TOX2: variants seen among roughly 807,000 people sequenced by gnomAD.
TOX2 encodes TOX high mobility group box family member 2, also known as granulosa cell HMG box 1.
TOX2 carries 15 observed loss-of-function variants against 47.4 expected under a neutral mutation model. The ratio of observed to expected loss-of-function variants is 0.32; its 90% CI spans 0.21 to 0.49. The LOEUF is 0.49. Among genes scored for constraint, TOX2 ranks in the 20% least tolerant of loss-of-function variants. The pLI is 0.99. For synonymous variants in TOX2, 290 were observed against 296.6 expected (o/e 0.98, Z 0.23); for missense variants, 622 against 673.1 (o/e 0.92, Z 0.84).
Position 44,064,800 on chromosome 20 carries a change from A to G in TOX2, c.903A>G (p.Ala301=), listed in dbSNP as rs1600805159. The G allele has an allele frequency of 3.1e-6, 5 of 1,614,210 alleles. No homozygotes were observed. The highest frequency in any genetic ancestry group is 2.5e-6 in the Non-Finnish European group (3 of 1,180,026). Residue 301 remains alanine (A), a synonymous_variant, in exon 6 of 9, where the codon GCA becomes GCG. Transcript: ENST00000341197. ...QKQAYKRKTE[A]AKKEYLKALA... ...AGGCCTACAAGAGGAAGACAGAAGCAGCAAAGAAGGAATATCTGAAGGCCC... is the reference window on the plus strand; with the variant it reads ...AGGCCTACAAGAGGAAGACAGAAGCGGCAAAGAAGGAATATCTGAAGGCCC...
At chr20:43,958,458 T>C (rs1220831841) in intron 1 of TOX2, among the ~76,000 whole-genome samples, 1 of 152,164 alleles carries the variant, frequency 6.6e-6, no homozygotes, top group East Asian at 1.9e-4. Flanking sequence ...CTTTGCTCAC[T>C]CTGGACCCAC....
chr20:43,992,995 T>C (rs1411544646), intron 2 of TOX2, among the ~76,000 whole-genome samples: 1 of 152,020 alleles, frequency 6.6e-6, no homozygotes, highest in African/African-American at 2.4e-5. Context: ...TGTTTTCCCC[T>C]CAGTATTCCT....
intron 1 of TOX2, among the ~76,000 whole-genome samples, chr20:43,957,571 T>G (rs73908124): frequency 0.043 from 5,197 of 121,006 alleles, 303 homozygotes; most frequent in African/African-American, 0.15. Context: ...TGCCCTCTTT[T>G]TTTTTTTTTT....
chr20:44,029,283 T>G (rs941579698), intron 3 of TOX2, among the ~76,000 whole-genome samples: 1 of 152,250 alleles, frequency 6.6e-6, no homozygotes, highest in African/African-American at 2.4e-5. Flanking sequence ...CGGATATTGC[T>G]GTGCTGACCT....
At chr20:43,971,789 A>G (rs1195090389) in intron 1 of TOX2, among the ~76,000 whole-genome samples, 6 of 152,192 alleles carry the variant, frequency 3.9e-5, no homozygotes, top group Non-Finnish European at 7.3e-5. Flanking sequence ...GATATAAAAC[A>G]TTTTCTAAGA....
Position 44,066,800 on chromosome 20 carries a change from G to C in TOX2, c.1427G>C (p.Ser476Thr). 1 of 1,614,198 alleles carries C rather than the reference G, an allele frequency of 6.2e-7. No individual in the cohort carries two copies. Among genetic ancestry groups the C allele is most frequent in the Non-Finnish European group, 8.5e-7 (1 of 1,180,036 alleles). ...TCACCTGGCCCATCCAACCCCACCAGCAGCGGGGACTGGGACAGCAGCTAC... is the reference window on the plus strand; with the variant it reads ...TCACCTGGCCCATCCAACCCCACCACCAGCGGGGACTGGGACAGCAGCTAC... ...SCSPGPSNPT[S>T]SGDWDSSYPS... The change falls in exon 8 of 9, where the codon AGC becomes ACC. Residue 476 changes from serine to threonine, a missense_variant. Physicochemically the swap from Ser to Thr is moderately conservative, Grantham distance 58. Coordinates refer to ENST00000341197, the MANE Select transcript of TOX2 (RefSeq NM_001098797.2).
intron 1 of TOX2, among the ~76,000 whole-genome samples, chr20:43,951,399 A>AC (rs1307740551): frequency 1.3e-5 from 2 of 152,028 alleles, no homozygotes; most frequent in African/African-American, 4.8e-5. Context: ...ACATGGTGAA[A>AC]CCCCGTATCT....
intron 2 of TOX2, among the ~76,000 whole-genome samples, chr20:44,004,106 T>C (rs1289277761): frequency 6.6e-6 from 1 of 152,146 alleles, no homozygotes. Flanking sequence ...TTGAGAGATG[T>C]CAGGGGGTGA....
chr20:44,021,546 T>G (rs1302094316), intron 3 of TOX2, among the ~76,000 whole-genome samples: 13 of 152,190 alleles, frequency 8.5e-5, no homozygotes, highest in African/African-American at 3.1e-4. Context: ...ACTTGACACC[T>G]TCTTACCTTC....
intron 3 of TOX2, among the ~76,000 whole-genome samples, chr20:44,013,868 G>A (rs1016480474): frequency 2.0e-5 from 3 of 152,028 alleles, no homozygotes; most frequent in African/African-American, 7.3e-5. Context: ...ATCGTGGCTC[G>A]CCTGTCATAT....
intron 1 of TOX2, among the ~76,000 whole-genome samples, chr20:43,961,472 C>T (rs1273155738): frequency 6.6e-6 from 1 of 152,120 alleles, no homozygotes. Context: ...GGGAGAGCCA[C>T]GCAGAGGCCT....
At position 44,065,856 on chromosome 20, in the gene TOX2, T is replaced by C. The variant is rs1367141914; in HGVS notation, c.1105T>C (p.Ser369Pro). Residue 369 changes from serine to proline, a missense_variant, in exon 7 of 9, where the codon TCC becomes CCC. Ser to Pro is a moderately conservative substitution (Grantham distance 74). Transcript: ENST00000341197. ...SDLQAFRSGA[S>P]PASLARTLGS... ...CCTGCAGGCCTTCCGCAGTGGGGCC[T>C]CCCCTGCCAGCCTCGCCCGGACGCT... The C allele has an allele frequency of 4.3e-6, 7 of 1,613,616 alleles. No homozygotes were observed. The South Asian group carries it at 6.6e-5, about 15-fold the overall frequency.
chr20:44,033,448 T>A (rs557737655), intron 3 of TOX2, among the ~76,000 whole-genome samples: 25 of 152,272 alleles, frequency 1.6e-4, no homozygotes, highest in South Asian at 8.3e-4. Context: ...GTAACTGTGT[T>A]ACCTTATATA....
intron 2 of TOX2, among the ~76,000 whole-genome samples, chr20:43,995,564 T>C (rs750688753): frequency 1.3e-5 from 2 of 152,334 alleles, no homozygotes; most frequent in Non-Finnish European, 2.9e-5. Context: ...AGGTTTGTTA[T>C]ATAGGTAAGC....
chr20:43,984,652 C>T (rs998349735), intron 2 of TOX2, among the ~76,000 whole-genome samples: 1 of 152,162 alleles, frequency 6.6e-6, no homozygotes, highest in African/African-American at 2.4e-5. Flanking sequence ...GGGGGGAGGA[C>T]TTTGGTCTGC....
intron 3 of TOX2, among the ~76,000 whole-genome samples, chr20:44,021,791 G>A (rs1354394754): frequency 1.5e-5 from 2 of 131,668 alleles, no homozygotes; most frequent in Non-Finnish European, 3.2e-5. Flanking sequence ...ACCATGTCTG[G>A]CTAATTTTTG....
At position 44,044,393 on chromosome 20, in the gene TOX2, T is replaced by C. The variant is rs553084676; in HGVS notation, c.412-6913T>C. 2.7e-5 allele frequency among the ~76,000 whole-genome samples: 4 copies of C among 150,818 alleles called. No homozygotes were observed. In the South Asian group the frequency reaches 8.5e-4, roughly 32 times the overall value. ...ATACATATGTAACAAACCTGCATGT[T>C]GTGCACATGTACCCTAGAACTTAAA... On this transcript the variant is annotated intron_variant, in intron 3 of 8. Transcript: ENST00000341197.
intron 1 of TOX2, among the ~76,000 whole-genome samples, chr20:43,920,690 T>G (rs1449690831): frequency 1.3e-5 from 2 of 152,174 alleles, no homozygotes; most frequent in Admixed American, 1.3e-4. Context: ...CTGGGTGACC[T>G]TGAGCCTGTC....
intron 1 of TOX2, among the ~76,000 whole-genome samples, chr20:43,934,136 G>GGAGAGAGAGAGAGAGAGAGAGA (rs56662660): frequency 3.1e-4 from 38 of 122,166 alleles, no homozygotes; most frequent in African/African-American, 1.3e-3. Flanking sequence ...CCCAAGGTAA[G>GGAGAGAGAGAGAGAGAGAGAGA]GAGAGAGAGA....
Sources: gnomAD v4.1 joint callset for allele counts (sites outside exome capture counted in the v4.1 genomes callset) on GRCh38, gnomAD v4.1.1 for gene constraint, MANE v1.5 for transcripts, NCBI Gene and HGNC (gene_info 2026-07-23, HGNC 2026-07-21) for gene names.